The following SLC22A23 variants were observed in gnomAD, a reference collection of about 807,000 sequenced individuals.
SLC22A23 encodes the protein ion transporter protein.
A neutral mutation model predicts 61.0 loss-of-function variants in SLC22A23; 26 were observed. The ratio of observed to expected loss-of-function variants is 0.43; its 90% CI spans 0.31 to 0.59. SLC22A23 has a LOEUF of 0.59. Among genes scored for constraint, SLC22A23 ranks in the 20% least tolerant of loss-of-function variants. SLC22A23 has a pLI of 0.11. For synonymous variants in SLC22A23, 430 were observed against 413.9 expected, an observed-to-expected ratio of 1.04 and a Z score of -0.47; for missense variants, 796 against 934.7, an observed-to-expected ratio of 0.85 and a Z score of 1.94.
chr6:3,400,459 T>A lies in SLC22A23; in HGVS notation c.913+9729A>T, dbSNP rs1477285547. On this transcript the variant is annotated intron_variant, in intron 3 of 9. Transcript: ENST00000406686. Reference sequence around the variant, plus strand: ...CAGTAGGATGGTATCTCAGGGCAGCTCTGGTGCTTGCAGTAGGATGGTGGC... The same window carrying A: ...CAGTAGGATGGTATCTCAGGGCAGCACTGGTGCTTGCAGTAGGATGGTGGC... 2.6e-5 allele frequency among the ~76,000 whole-genome samples: 4 copies of A among 152,176 alleles called. No homozygotes were observed. The East Asian group carries it at 5.8e-4, about 22-fold the overall frequency.
intron 4 of SLC22A23, among the ~76,000 whole-genome samples, chr6:3,319,563 C>A (rs982798500): frequency 6.6e-5 from 10 of 152,172 alleles, no homozygotes; most frequent in African/African-American, 2.4e-4. Flanking sequence ...AATACCTGGA[C>A]CAGCAACAGC....
chr6:3,339,546 G>C (rs895421472), intron 3 of SLC22A23, among the ~76,000 whole-genome samples: 2 of 152,204 alleles, frequency 1.3e-5, no homozygotes, highest in Non-Finnish European at 2.9e-5. Flanking sequence ...GGATGAGACA[G>C]GAGGTCGGCA....
chr6:3,285,294 CAA>C (rs986533288), intron 7 of SLC22A23, among the ~76,000 whole-genome samples, 183 bp from the exon 8 acceptor site: 15 of 152,356 alleles, frequency 9.8e-5, no homozygotes, highest in African/African-American at 3.6e-4. Context: ...CTGCGCTAAA[CAA>C]AGATCTTTTT....
intron 3 of SLC22A23, among the ~76,000 whole-genome samples, chr6:3,339,610 C>T (rs181240952): frequency 9.7e-4 from 147 of 152,228 alleles, no homozygotes; most frequent in African/African-American, 3.1e-3. Context: ...GTAAAGGAGC[C>T]GGCCAAAACA....
intron 3 of SLC22A23, among the ~76,000 whole-genome samples, chr6:3,363,243 G>C (rs1765594597): frequency 6.6e-6 from 1 of 152,206 alleles, no homozygotes; most frequent in Non-Finnish European, 1.5e-5. Context: ...CTGCAGCCCT[G>C]GCTGGCCCAT....
At chr6:3,396,714 C>T (rs1465345593) in intron 3 of SLC22A23, among the ~76,000 whole-genome samples, 3 of 152,202 alleles carry the variant, frequency 2.0e-5, no homozygotes, top group Admixed American at 6.5e-5. Flanking sequence ...GGCAGGCCAT[C>T]GACCAGCAGA....
In SLC22A23 at chr6:3,286,847, C is replaced by T. The variant is rs748410717; in HGVS notation, c.1546+12G>A. 44 of 1,576,682 alleles carry T rather than the reference C, an allele frequency of 2.8e-5. No homozygotes were observed. Among genetic ancestry groups the T allele is most frequent in the South Asian group, 6.9e-5 (6 of 86,710 alleles). On this transcript the variant is annotated intron_variant, in intron 7 of 9. Transcript: ENST00000406686. The surrounding 1 kb of genome is among the most constrained non-coding windows in gnomAD (Gnocchi z 4.2). ...CCTCCCTGCACCCAGCCCACCTCCC[C>T]GACCCACTCACGGTTGAGGAGGCCG...
intron 5 of SLC22A23, among the ~76,000 whole-genome samples, chr6:3,292,829 AACTCGGCGCGGCCTCTGGGAGC>A (rs1233264049): frequency 2.8e-4 from 42 of 152,292 alleles, no homozygotes; most frequent in African/African-American, 1.0e-3. Flanking sequence ...CGGATGGGAG[AACTCGGCGCGGCCTCTGGGAGC>A]ACTCGGGGAG....
intron 1 of SLC22A23, among the ~76,000 whole-genome samples, chr6:3,437,089 G>A (rs1039463159): frequency 1.3e-5 from 2 of 152,128 alleles, no homozygotes; most frequent in African/African-American, 2.4e-5. Flanking sequence ...CAAAGTTGCC[G>A]TTGGCTTTCC....
intron 3 of SLC22A23, among the ~76,000 whole-genome samples, chr6:3,396,180 T>TC (rs1206272329): frequency 6.6e-6 from 1 of 152,138 alleles, no homozygotes; most frequent in Non-Finnish European, 1.5e-5. Context: ...GAGGGCATGG[T>TC]CCCTGGCTAG....
At chr6:3,282,097 A>G in intron 9 of SLC22A23, 1 of 650,544 alleles carries the variant, frequency 1.5e-6, no homozygotes, top group Admixed American at 2.3e-5. Context: ...TCCCCCAACA[A>G]AATATGCATA....
chr6:3,336,708 C>A (rs895089153), intron 3 of SLC22A23, among the ~76,000 whole-genome samples: 1 of 150,344 alleles, frequency 6.7e-6, no homozygotes, highest in Admixed American at 6.7e-5. Flanking sequence ...GAAATCAGAC[C>A]ACAGAAATCA....
In SLC22A23 at chr6:3,270,723, T is replaced by G. The variant is rs1758424381; in HGVS notation, c.*2332A>C. 6.6e-6 allele frequency: 1 copy of G among 152,418 alleles called. No individual in the cohort carries two copies. The highest frequency in any genetic ancestry group is 6.5e-5 in the Admixed American group (1 of 15,292). 9.4% of individuals were successfully genotyped at this position (152,418 alleles called of 1,614,324 possible). On this transcript the variant is annotated 3_prime_UTR_variant, in exon 10 of 10. Transcript: ENST00000406686. ...GAGCAGTGTCTTCGTTGGACCAGTT[T>G]TTTATTGTCATTTGAGGTGGAGATC... is the stretch of plus-strand genomic sequence containing the variant.
chr6:3,362,768 G>C (rs1271208210), intron 3 of SLC22A23, among the ~76,000 whole-genome samples: 2 of 151,628 alleles, frequency 1.3e-5, no homozygotes, highest in African/African-American at 4.9e-5. Flanking sequence ...CCCAGAAGCA[G>C]GTAGACCTCC....
rs543503661 is a variant in SLC22A23, at chr6:3,331,574, C to G, written c.914-7572G>C. Among the ~76,000 whole-genome samples the G allele has an allele frequency of 7.2e-5, 11 of 152,298 alleles. No homozygotes were observed. In the East Asian group the frequency reaches 2.1e-3, roughly 29 times the overall value. ...AATTTGAGGAAAATCAACCATAAAA[C>G]CAAACATGAGCCACAGAGTTCAGTT... On this transcript the variant is annotated intron_variant, in intron 3 of 9. Coordinates refer to ENST00000406686, the MANE Select transcript of SLC22A23 (RefSeq NM_015482.2).
chr6:3,303,628 A>G (rs1179676586), intron 4 of SLC22A23, among the ~76,000 whole-genome samples: 5 of 152,234 alleles, frequency 3.3e-5, no homozygotes, highest in Admixed American at 6.5e-5. Context: ...GTTCTCACTC[A>G]TGTGGAAGCT....
chr6:3,392,836 C>G (rs1478448728), intron 3 of SLC22A23, among the ~76,000 whole-genome samples: 1 of 152,130 alleles, frequency 6.6e-6, no homozygotes, highest in African/African-American at 2.4e-5. Context: ...GGAACATCCA[C>G]AAGGCAGTAG....
chr6:3,286,020 C>G lies in SLC22A23; in HGVS notation c.1546+839G>C, dbSNP rs1426682624. On this transcript the variant is annotated intron_variant, in intron 7 of 9. Transcript: ENST00000406686. The surrounding 1 kb of genome is among the most constrained non-coding windows in gnomAD (Gnocchi z 4.2). The stretch of plus-strand genomic sequence containing the variant: ...GAGATGCTGTGGTGGTTTGTCCATA[C>G]ACGGGAATGGGTATTTGTTGGTGAG... 2.6e-5 allele frequency among the ~76,000 whole-genome samples: 4 copies of G among 152,176 alleles called. No homozygotes were observed. The highest frequency in any genetic ancestry group is 1.9e-4 in the East Asian group (1 of 5,178).
At position 3,308,772 on chromosome 6, in the gene SLC22A23, G is replaced by A. The variant is rs554560879; in HGVS notation, c.1083-10554C>T. On this transcript the variant is annotated intron_variant, in intron 4 of 9. Coordinates refer to ENST00000406686, the MANE Select transcript of SLC22A23 (RefSeq NM_015482.2). The surrounding 1 kb of genome is among the most constrained non-coding windows in gnomAD (Gnocchi z 5.1). ...AGCCTGACCAACATGGTGAAACCCC[G>A]TCTCTACTAAAAATACAGAAATTAG... is the stretch of plus-strand genomic sequence containing the variant. Among the ~76,000 whole-genome samples the A allele has an allele frequency of 2.9e-4, 43 of 150,674 alleles. No individual in the cohort carries two copies. The highest frequency in any genetic ancestry group is 3.5e-3 in the Middle Eastern group (1 of 284).
Sources: allele counts gnomAD v4.1 joint callset (sites outside exome capture counted in the v4.1 genomes callset), GRCh38; gene constraint gnomAD v4.1.1; non-coding constraint Gnocchi (gnomAD v3.1); transcripts MANE v1.5; gene names NCBI Gene and HGNC (gene_info 2026-07-23, HGNC 2026-07-21).